The following SCAI variants were observed in gnomAD, a reference collection of about 807,000 sequenced individuals.
The protein encoded by SCAI is protein SCAI.
SCAI carries 24 observed loss-of-function variants against 92.2 expected under a neutral mutation model. The observed-to-expected ratio is 0.26, with a 90% confidence interval of 0.19 to 0.37. SCAI has a LOEUF of 0.37. Among genes scored for constraint, SCAI ranks in the 10% least tolerant of loss-of-function variants. SCAI has a pLI of 1.00. For synonymous variants in SCAI, 261 were observed against 258.6 expected (o/e 1.01, Z -0.09); for missense variants, 450 against 736.2 (o/e 0.61, Z 4.50).
chr9:125,078,506 C>T (rs1022710730), intron 2 of SCAI, among the ~76,000 whole-genome samples: 3 of 152,178 alleles, frequency 2.0e-5, no homozygotes, highest in East Asian at 1.9e-4. Context: ...CCAGCTTGGG[C>T]GATAAGAGTG....
intron 2 of SCAI, among the ~76,000 whole-genome samples, chr9:125,087,540 A>G (rs903797721): frequency 3.9e-5 from 6 of 152,272 alleles, no homozygotes; most frequent in African/African-American, 1.4e-4. Flanking sequence ...AAACAGACAC[A>G]GTAGAAAAGA....
intron 2 of SCAI, among the ~76,000 whole-genome samples, chr9:125,062,990 A>T (rs919208973): frequency 6.9e-6 from 1 of 144,338 alleles, no homozygotes; most frequent in Non-Finnish European, 1.5e-5. Context: ...ACTGCATTCC[A>T]GCCTGGTGTC....
At chr9:125,035,710 T>C (rs1833180772) in intron 3 of SCAI, among the ~76,000 whole-genome samples, 2 of 152,186 alleles carry the variant, frequency 1.3e-5, no homozygotes, top group South Asian at 4.1e-4. Flanking sequence ...AATACTATCA[T>C]CTATGATCAG....
At chr9:125,045,075 T>G (rs913985920) in intron 3 of SCAI, among the ~76,000 whole-genome samples, 3 of 152,124 alleles carry the variant, frequency 2.0e-5, no homozygotes, top group Admixed American at 1.3e-4. Context: ...GTAGCATAAG[T>G]CAAGCACAAC....
At chr9:125,087,224 G>GT (rs1265156867) in intron 2 of SCAI, among the ~76,000 whole-genome samples, 1 of 152,232 alleles carries the variant, frequency 6.6e-6, no homozygotes, top group African/African-American at 2.4e-5. Context: ...AGCACACTTA[G>GT]TTTTTTGCTG....
At chr9:125,011,795 A>AC (rs1480724211) in intron 9 of SCAI, among the ~76,000 whole-genome samples, 1 of 152,228 alleles carries the variant, frequency 6.6e-6, no homozygotes, top group Non-Finnish European at 1.5e-5. Context: ...AGGTCGGGTT[A>AC]CCACAAAGGG....
At chr9:125,063,775 CAG>C (rs1833823222) in intron 2 of SCAI, among the ~76,000 whole-genome samples, 1 of 143,656 alleles carries the variant, frequency 7.0e-6, no homozygotes, top group East Asian at 2.0e-4. Context: ...TTTTTTGAGA[CAG>C]AGTTTCACTC....
At chr9:125,079,671 C>T (rs1321068935) in intron 2 of SCAI, among the ~76,000 whole-genome samples, 1 of 151,790 alleles carries the variant, frequency 6.6e-6, no homozygotes, top group Non-Finnish European at 1.5e-5. Context: ...ATCCTGTTGA[C>T]ACAATGACAG....
At chr9:124,998,699 G>A (rs953160781) in intron 13 of SCAI, among the ~76,000 whole-genome samples, 2 of 151,972 alleles carry the variant, frequency 1.3e-5, no homozygotes, top group Non-Finnish European at 2.9e-5. Flanking sequence ...TCAGTTCACT[G>A]CAACCTCGAC....
Position 125,018,872 on chromosome 9 carries a change from A to C in SCAI, c.788T>G (p.Leu263Trp). The change falls in exon 9 of 18, where the codon TTG becomes TGG. Residue 263 changes from leucine (L) to tryptophan (W), a missense_variant. This residue lies in a region of SCAI where 360 missense variants were observed against 601.8 expected (regional missense o/e 0.60). Coordinates refer to ENST00000336505, the MANE Select transcript of SCAI (RefSeq NM_001144877.3). Reference sequence around the variant, plus strand: ...TCCCACAATCATGCCCTGTTCCAGCAATGGGGCTCCTGTTTCAGCAAGGCG... The same window carrying C: ...TCCCACAATCATGCCCTGTTCCAGCCATGGGGCTCCTGTTTCAGCAAGGCG... ...SNRLAETGAP[L>W]LEQGMIVGQL... is the part of the protein sequence containing the mutation. 1 of 1,614,090 alleles carries C rather than the reference A, an allele frequency of 6.2e-7. No homozygotes were observed. The highest frequency in any genetic ancestry group is 8.5e-7 in the Non-Finnish European group (1 of 1,179,982).
intron 9 of SCAI, among the ~76,000 whole-genome samples, chr9:125,018,265 T>G (rs1832802507): frequency 6.6e-6 from 1 of 151,788 alleles, no homozygotes; most frequent in Admixed American, 6.6e-5. Context: ...TGGCTAATTT[T>G]TGCATTCTGT....
chr9:125,064,047 C>G (rs1272197949), intron 2 of SCAI, among the ~76,000 whole-genome samples: 1 of 152,104 alleles, frequency 6.6e-6, no homozygotes, highest in Non-Finnish European at 1.5e-5. Context: ...GCCACCGCGC[C>G]CAGCCAATTC....
intron 2 of SCAI, among the ~76,000 whole-genome samples, chr9:125,104,951 C>G (rs1403528216): frequency 6.8e-6 from 1 of 146,322 alleles, no homozygotes; most frequent in Non-Finnish European, 1.5e-5. Flanking sequence ...GAGCAAGACC[C>G]TGTCTCAAAA....
chr9:125,143,511 T>C lies in SCAI; in HGVS notation c.-74A>G. 1 of 1,254,936 alleles carries C rather than the reference T, an allele frequency of 8.0e-7. No homozygotes were observed. Among genetic ancestry groups the C allele is most frequent in the South Asian group, 2.2e-5 (1 of 44,970 alleles). The allele number at this position is 1,254,936 out of a possible 1,614,324, so 77.7% of individuals were successfully genotyped here. On this transcript the variant is annotated 5_prime_UTR_variant, in exon 1 of 18. Coordinates refer to ENST00000336505, the MANE Select transcript of SCAI (RefSeq NM_001144877.3). ...CTCGGGAAGCTGAGGCGGCGGAGGCTGGAGTAGGCGGAGAGGCGGGAGGAG... is the reference window on the plus strand; with the variant it reads ...CTCGGGAAGCTGAGGCGGCGGAGGCCGGAGTAGGCGGAGAGGCGGGAGGAG...
chr9:125,122,327 A>G (rs1835171420), intron 2 of SCAI, among the ~76,000 whole-genome samples: 1 of 152,148 alleles, frequency 6.6e-6, no homozygotes. Context: ...ACGGTGGCTC[A>G]TGCCTATGAT....
At chr9:125,118,512 CAATAAATA>C (rs57372605) in intron 2 of SCAI, among the ~76,000 whole-genome samples, 6 of 148,704 alleles carry the variant, frequency 4.0e-5, no homozygotes, top group Non-Finnish European at 8.9e-5. Context: ...GACCCTGTCT[CAATAAATA>C]AATAAATAAA....
intron 8 of SCAI, 44 bp downstream of exon 8, chr9:125,019,063 C>A: frequency 6.6e-7 from 1 of 1,520,742 alleles, no homozygotes. Flanking sequence ...ACTACACGGT[C>A]ATTTATTTAT....
intron 13 of SCAI, among the ~76,000 whole-genome samples, chr9:124,996,169 C>A (rs993010743): frequency 2.0e-5 from 3 of 149,706 alleles, no homozygotes; most frequent in Admixed American, 1.3e-4. Context: ...TTAATCAACA[C>A]CTCCATTCCC....
intron 1 of SCAI, 53 bp downstream of exon 1, chr9:125,143,332 G>A (rs917045204): frequency 3.0e-6 from 3 of 992,554 alleles, no homozygotes; most frequent in Non-Finnish European, 3.8e-6. Context: ...CCCTGGGCCC[G>A]CTCCCTGGCC....
Sources: allele counts gnomAD v4.1 joint callset (sites outside exome capture counted in the v4.1 genomes callset), GRCh38; gene constraint gnomAD v4.1.1; regional missense constraint gnomAD v4.1.1; transcripts MANE v1.5; gene names NCBI Gene and HGNC (gene_info 2026-07-23, HGNC 2026-07-21).